MCCC2: variants seen among roughly 807,000 people sequenced by gnomAD.
MCCC2 encodes the protein methylcrotonyl-CoA carboxylase subunit 2.
MCCC2 carries 52 observed loss-of-function variants against 77.2 expected under a neutral mutation model. The ratio of observed to expected loss-of-function variants is 0.67; its 90% CI spans 0.54 to 0.85. MCCC2 has a LOEUF of 0.85. MCCC2 is among the 40% of genes least tolerant of loss of function. The pLI, the probability that MCCC2 is intolerant of heterozygous loss-of-function variation, is 0.00. For synonymous variants in MCCC2, 253 were observed against 248.4 expected (o/e 1.02, Z -0.18); for missense variants, 682 against 703.2 (o/e 0.97, Z 0.34).
chr5:71,641,246 T>G (rs1747114524), intron 11 of MCCC2, 171 bp downstream of exon 11: 4 of 652,066 alleles, frequency 6.1e-6, no homozygotes, highest in Non-Finnish European at 8.2e-6. Flanking sequence ...TGTAGCTTAA[T>G]GGCTTCATGG....
intron 6 of MCCC2, among the ~76,000 whole-genome samples, chr5:71,614,638 C>A (rs544712775): frequency 2.0e-5 from 3 of 152,138 alleles, no homozygotes; most frequent in Admixed American, 2.0e-4. Flanking sequence ...CACATGCCAT[C>A]ATGCCCAGCT....
intron 6 of MCCC2, among the ~76,000 whole-genome samples, chr5:71,621,282 G>A (rs184437891): frequency 6.6e-6 from 1 of 152,256 alleles, no homozygotes; most frequent in Non-Finnish European, 1.5e-5. Context: ...TGAGAGGTAG[G>A]AGGATTGCTT....
rs1440841730 is a variant in MCCC2 at position 71,633,127 on chromosome 5, A to ATTTTTTTTT, written c.803+943_803+944insTTTTTTTTT. ...TATATATATATATATATATATATAT[A>ATTTTTTTTT]TATATTTTTATTTTTTGTAGAAACA... On this transcript the variant is annotated intron_variant, in intron 8 of 16. Transcript: ENST00000340941. Among the ~76,000 whole-genome samples, 546 of 63,676 alleles carry ATTTTTTTTT rather than the reference A, an allele frequency of 8.6e-3. 31 individuals are homozygous for ATTTTTTTTT. Among genetic ancestry groups the ATTTTTTTTT allele is most frequent in the Admixed American group, 0.011 (46 of 4,268 alleles). The allele number at this position is 63,676 out of a possible 152,430, so 41.8% of individuals were successfully genotyped here.
intron 6 of MCCC2, among the ~76,000 whole-genome samples, chr5:71,616,121 G>C (rs900364415): frequency 4.6e-5 from 7 of 152,208 alleles, no homozygotes; most frequent in Non-Finnish European, 5.9e-5. Context: ...CCCACTCCGC[G>C]GGGACAGAAG....
chr5:71,654,980 G>A (rs906434956), intron 16 of MCCC2, among the ~76,000 whole-genome samples: 2 of 151,962 alleles, frequency 1.3e-5, no homozygotes, highest in African/African-American at 2.4e-5. Flanking sequence ...GATTACAGGC[G>A]TGTGCCACCA....
intron 16 of MCCC2, 102 bp from the exon 17 acceptor site, chr5:71,656,641 A>G (rs535232281): frequency 2.4e-5 from 21 of 865,492 alleles, no homozygotes; most frequent in Admixed American, 6.8e-5. Flanking sequence ...GTAGATCCAT[A>G]TATTACCTGA....
At chr5:71,596,134 T>A in intron 2 of MCCC2, 146 bp from the exon 3 acceptor site, 2 of 741,352 alleles carry the variant, frequency 2.7e-6, no homozygotes, top group South Asian at 3.2e-5. Context: ...AACTTGTAAG[T>A]TGAGTGAATG....
intron 1 of MCCC2, 171 bp from the exon 2 acceptor site, chr5:71,592,755 T>C (rs972763100): frequency 1.2e-5 from 8 of 652,364 alleles, no homozygotes; most frequent in Non-Finnish European, 2.2e-5. Flanking sequence ...GTGAATCTTT[T>C]CCATACGATC....
chr5:71,626,432 G>A (rs1746528489), intron 6 of MCCC2, among the ~76,000 whole-genome samples: 1 of 152,212 alleles, frequency 6.6e-6, no homozygotes, highest in African/African-American at 2.4e-5. Context: ...TTTTGTAAAA[G>A]TGAGACATAA....
intron 8 of MCCC2, 81 bp downstream of exon 8, chr5:71,632,266 TC>T: frequency 1.4e-6 from 2 of 1,382,926 alleles, no homozygotes; most frequent in Non-Finnish European, 2.1e-6. Flanking sequence ...CGTATTTGTT[TC>T]CAGTGCTAAA....
At chr5:71,626,148 C>G (rs1746522360) in intron 6 of MCCC2, among the ~76,000 whole-genome samples, 1 of 152,248 alleles carries the variant, frequency 6.6e-6, no homozygotes, top group Non-Finnish European at 1.5e-5. Context: ...AGGCTTTAAA[C>G]TGCAATCTTA....
At chr5:71,633,131 A>ATATATATTTTTTTTTTTTTTTTTTTAT (rs1554137344) in intron 8 of MCCC2, among the ~76,000 whole-genome samples, 1 of 78,096 alleles carries the variant, frequency 1.3e-5, no homozygotes, top group African/African-American at 5.1e-5. Context: ...ATATATATAT[A>ATATATATTTTTTTTTTTTTTTTTTTAT]TTTTTATTTT....
intron 6 of MCCC2, among the ~76,000 whole-genome samples, chr5:71,621,831 A>C (rs955744144): frequency 6.6e-6 from 1 of 152,202 alleles, no homozygotes; most frequent in African/African-American, 2.4e-5. Context: ...ATTATCTGAT[A>C]GCACAACTGG....
At chr5:71,595,695 T>G (rs910315705) in intron 2 of MCCC2, among the ~76,000 whole-genome samples, 2 of 152,198 alleles carry the variant, frequency 1.3e-5, no homozygotes, top group South Asian at 4.1e-4. Flanking sequence ...GGCTCTTCAG[T>G]TATAATTTTC....
At chr5:71,643,496 C>T (rs1747186066) in intron 11 of MCCC2, among the ~76,000 whole-genome samples, 1 of 152,052 alleles carries the variant, frequency 6.6e-6, no homozygotes, top group African/African-American at 2.4e-5. Flanking sequence ...TATAGTATCC[C>T]TAGTGTCTGG....
intron 1 of MCCC2, among the ~76,000 whole-genome samples, chr5:71,588,256 C>A (rs1016327899): frequency 1.5e-5 from 2 of 135,134 alleles, no homozygotes; most frequent in South Asian, 4.7e-4. Context: ...GCAACAAGAG[C>A]GAACTCTGTC....
intron 7 of MCCC2, among the ~76,000 whole-genome samples, chr5:71,631,336 G>A (rs556831067): frequency 6.6e-6 from 1 of 152,250 alleles, no homozygotes; most frequent in East Asian, 1.9e-4. Context: ...TAATACCATG[G>A]AGAAGGCCTG....
chr5:71,600,358 C>T (rs565741094), intron 4 of MCCC2, among the ~76,000 whole-genome samples: 13 of 151,876 alleles, frequency 8.6e-5, no homozygotes, highest in East Asian at 1.9e-4. Context: ...GATGGTGTCT[C>T]GCTCTGTTGC....
intron 10 of MCCC2, among the ~76,000 whole-genome samples, chr5:71,638,866 C>G (rs1747022055): frequency 6.6e-6 from 1 of 152,184 alleles, no homozygotes; most frequent in African/African-American, 2.4e-5. Flanking sequence ...GTAAAAATGA[C>G]TCCTTGCTCC....
Sources: gnomAD v4.1 joint callset for allele counts (sites outside exome capture counted in the v4.1 genomes callset) on GRCh38, gnomAD v4.1.1 for gene constraint, MANE v1.5 for transcripts, NCBI Gene and HGNC (gene_info 2026-07-23, HGNC 2026-07-21) for gene names.